DDI2: variants seen among roughly 807,000 people sequenced by gnomAD.
The protein encoded by DDI2 is protein DDI1 homolog 2.
DDI2 carries 5 observed loss-of-function variants against 48.1 expected under a neutral mutation model. The ratio of observed to expected loss-of-function variants is 0.10; its 90% CI spans 0.05 to 0.22. The LOEUF is 0.22. DDI2 is among the 10% of genes least tolerant of loss of function. The probability of loss-of-function intolerance (pLI) is 1.00; values close to 1 mark genes in which losing one functional copy is unlikely to be tolerated. For missense variants in DDI2, 285 were observed against 506.2 expected, an observed-to-expected ratio of 0.56 and a Z score of 4.19; for synonymous variants, 205 against 183.6, an observed-to-expected ratio of 1.12 and a Z score of -0.94.
intron 2 of DDI2, 119 bp from the exon 3 acceptor site, chr1:15,630,206 A>G: frequency 1.1e-6 from 1 of 879,104 alleles, no homozygotes; most frequent in Non-Finnish European, 1.8e-6. Context: ...ACAAGGTTAA[A>G]GTCTACAGTT....
At chr1:15,637,722 C>A (rs900949804) in intron 4 of DDI2, among the ~76,000 whole-genome samples, 16 of 152,120 alleles carry the variant, frequency 1.1e-4, no homozygotes, top group Non-Finnish European at 1.5e-4. Flanking sequence ...CTATGAAACA[C>A]ATGTAGTTTT....
chr1:15,626,908 C>T (rs887003669), intron 2 of DDI2, 110 bp downstream of exon 2: 3 of 1,323,400 alleles, frequency 2.3e-6, no homozygotes, highest in Non-Finnish European at 1.0e-6. Context: ...GAATACAGAT[C>T]CTGACTCTGC....
Position 15,656,650 on chromosome 1 carries a change from G to A in DDI2, c.*17G>A. 1.9e-6 allele frequency: 3 copies of A among 1,614,166 alleles called. No individual in the cohort carries two copies. Among genetic ancestry groups the A allele is most frequent in the Non-Finnish European group, 2.5e-6 (3 of 1,180,004 alleles). On this transcript the variant is annotated 3_prime_UTR_variant, in exon 9 of 10. Transcript: ENST00000480945. Reference sequence around the variant, plus strand: ...AAGCCATGATGCATGTAGTGTGTGTGTACTGCAGCTGGAGTGGGCCCCAGA... The same window carrying A: ...AAGCCATGATGCATGTAGTGTGTGTATACTGCAGCTGGAGTGGGCCCCAGA...
Position 15,617,787 on chromosome 1 carries a change from C to T in DDI2, c.117C>T (p.Gly39=). ...GCGCGCTGTGCGAGCTCGAGTCTGG[C>T]ATCCCCGCAGCCGAGAGCCAGGTAC... ...NFRALCELES[G]IPAAESQIVY... is the part of the protein sequence containing the mutation. Residue 39 remains glycine (G), a synonymous_variant, in exon 1 of 10, where the codon GGC becomes GGT. Coordinates refer to ENST00000480945, the MANE Select transcript of DDI2 (RefSeq NM_032341.5). 1 of 1,604,436 alleles carries T rather than the reference C, an allele frequency of 6.2e-7. No individual in the cohort carries two copies.
Position 15,660,943 on chromosome 1 carries a change from C to T in DDI2, c.*1153C>T, listed in dbSNP as rs1369050652. 4 of 1,613,224 alleles carry T rather than the reference C, an allele frequency of 2.5e-6. No homozygotes were observed. Among genetic ancestry groups the T allele is most frequent in the Non-Finnish European group, 3.4e-6 (4 of 1,179,702 alleles). On this transcript the variant is annotated 3_prime_UTR_variant, in exon 10 of 10. Coordinates refer to ENST00000480945, the MANE Select transcript of DDI2 (RefSeq NM_032341.5). ...GTCTATAACGGCAGCCTTGAAAGAACTTCATGAACTTTTGGTTGTTAGCAG... is the reference window on the plus strand; with the variant it reads ...GTCTATAACGGCAGCCTTGAAAGAATTTCATGAACTTTTGGTTGTTAGCAG...
rs138920370 is a variant in DDI2 at position 15,642,077 on chromosome 1, A to G, written c.761-1445A>G. On this transcript the variant is annotated intron_variant, in intron 5 of 9. Transcript: ENST00000480945. ...GAAGAGTCAAAAGTGAACAGTGCCCAGGTTTTATGGCTGCAAGAAAATAAT... is the reference window on the plus strand; with the variant it reads ...GAAGAGTCAAAAGTGAACAGTGCCCGGGTTTTATGGCTGCAAGAAAATAAT... Among the ~76,000 whole-genome samples, 551 of 152,276 alleles carry G rather than the reference A, an allele frequency of 3.6e-3. 2 individuals carry two copies. Among genetic ancestry groups the G allele is most frequent in the Non-Finnish European group, 6.0e-3 (405 of 67,998 alleles).
intron 8 of DDI2, among the ~76,000 whole-genome samples, chr1:15,656,096 C>G (rs1207435065): frequency 6.6e-6 from 1 of 152,158 alleles, no homozygotes; most frequent in Non-Finnish European, 1.5e-5. Flanking sequence ...CCTCCTGGAC[C>G]TCCCAAAGTG....
At position 15,660,743 on chromosome 1, in the gene DDI2, C is replaced by A; in HGVS notation, c.*953C>A. 1 of 1,613,716 alleles carries A rather than the reference C, an allele frequency of 6.2e-7. No individual in the cohort carries two copies. ...AATCCCTTGATGGAAGTAGAAACAT[C>A]AAAATGTAACCCTTCATCTGAAATT... On this transcript the variant is annotated 3_prime_UTR_variant, in exon 10 of 10. Transcript: ENST00000480945.
rs771644773 is a variant in DDI2 at position 15,660,222 on chromosome 1, C to A, written c.*432C>A. On this transcript the variant is annotated 3_prime_UTR_variant, in exon 10 of 10. Coordinates refer to ENST00000480945, the MANE Select transcript of DDI2 (RefSeq NM_032341.5). ...TGGAGAAATCTGCTGAAAGAAGCAC[C>A]CAGGGCCTCAAATTTCATCTCCATA... is the stretch of plus-strand genomic sequence containing the variant. 34 of 1,613,988 alleles carry A rather than the reference C, an allele frequency of 2.1e-5. No individual in the cohort carries two copies. In the Admixed American group the frequency reaches 5.3e-4, roughly 25 times the overall value.
chr1:15,617,956 G>T lies in DDI2; in HGVS notation c.138+148G>T, dbSNP rs1036354381. ...AGGTCACCCCCGCATCCGGAAAGGA[G>T]CTGGGGAGCTGGCATCAGTAGCTGC... On this transcript the variant is annotated intron_variant, in intron 1 of 9. Coordinates refer to ENST00000480945, the MANE Select transcript of DDI2 (RefSeq NM_032341.5). The T allele has an allele frequency of 6.4e-6, 8 of 1,253,532 alleles. No homozygotes were observed. The East Asian group carries it at 2.3e-4, about 36-fold the overall frequency. 77.7% of individuals were successfully genotyped at this position (1,253,532 alleles called of 1,614,324 possible).
chr1:15,629,304 C>A (rs952999361), intron 2 of DDI2, among the ~76,000 whole-genome samples: 3 of 152,076 alleles, frequency 2.0e-5, no homozygotes, highest in Non-Finnish European at 4.4e-5. Context: ...TATATAATAT[C>A]CTTTGATCCG....
Position 15,650,774 on chromosome 1 carries a change from T to A in DDI2, c.994-932T>A, listed in dbSNP as rs115601411. Among the ~76,000 whole-genome samples, 133 of 152,302 alleles carry A rather than the reference T, an allele frequency of 8.7e-4. 2 individuals are homozygous for A. The highest frequency in any genetic ancestry group is 3.1e-3 in the African/African-American group (130 of 41,560). ...AACAATTGAAAATATAGCTAATCAA[T>A]ATTTTTATGTCACTATTTTAAAATA... On this transcript the variant is annotated intron_variant, in intron 7 of 9. Transcript: ENST00000480945.
chr1:15,650,296 T>G (rs1424221673), intron 7 of DDI2, among the ~76,000 whole-genome samples: 1 of 152,218 alleles, frequency 6.6e-6, no homozygotes, highest in Non-Finnish European at 1.5e-5. Context: ...TGTTGATATT[T>G]ATCTTTCTAC....
intron 5 of DDI2, 144 bp from the exon 6 acceptor site, chr1:15,643,378 A>G: frequency 8.9e-7 from 1 of 1,127,874 alleles, no homozygotes; most frequent in Non-Finnish European, 1.2e-6. Context: ...CAGGCAGGGC[A>G]CTTGCTAGGT....
rs557605132 is a variant in DDI2, at chr1:15,638,687, A to G, written c.760+253A>G. Among the ~76,000 whole-genome samples, 256 of 151,634 alleles carry G rather than the reference A, an allele frequency of 1.7e-3. 1 individual carries two copies. The highest frequency in any genetic ancestry group is 6.0e-3 in the African/African-American group (247 of 41,376). ...GTAGCTGGGATTACAGGCGCCAACC[A>G]CCACGCCCAGCTGATTTTTACATTT... On this transcript the variant is annotated intron_variant, in intron 5 of 9. Coordinates refer to ENST00000480945, the MANE Select transcript of DDI2 (RefSeq NM_032341.5).
Position 15,651,781 on chromosome 1 carries a change from G to C in DDI2, c.1069G>C (p.Glu357Gln). Residue 357 changes from glutamate (E) to glutamine (Q), a missense_variant, in exon 8 of 10, where the codon GAG (glutamate) becomes CAG (glutamine). Physicochemically the swap from Glu to Gln is conservative, Grantham distance 29 (BLOSUM62 2). Around this residue, in one of 3 missense-constraint regions of DDI2, gnomAD observed 66 missense variants for 87.3 expected, o/e 0.76. Transcript: ENST00000480945. ...CCAGACCACCTTTCTTCCTGAGGGA[G>C]AGCTACCAGAGTGTGCCCGGTTGGC... ...GSQTTFLPEG[E>Q]LPECARLAYG... 1 of 1,614,068 alleles carries C rather than the reference G, an allele frequency of 6.2e-7. No individual in the cohort carries two copies. The highest frequency in any genetic ancestry group is 1.3e-5 in the African/African-American group (1 of 75,048).
In DDI2 at chr1:15,644,594, T is replaced by G. The variant is rs1392661663; in HGVS notation, c.889+944T>G. ...TTCTTTTCAGTTTTTTTTGTTTTTT[T>G]TTTTTTTTTTTTTTTTTGAGACGGA... On this transcript the variant is annotated intron_variant, in intron 6 of 9. Transcript: ENST00000480945. Among the ~76,000 whole-genome samples the G allele has an allele frequency of 2.6e-4, 34 of 129,260 alleles. No homozygotes were observed. The East Asian group carries it at 2.8e-3, about 11-fold the overall frequency. 84.8% of individuals were successfully genotyped at this position (129,260 alleles called of 152,430 possible).
chr1:15,661,604 G>A lies in DDI2; in HGVS notation c.*1814G>A, dbSNP rs1046502353. The A allele has an allele frequency of 3.1e-6, 5 of 1,614,100 alleles. No homozygotes were observed. Among genetic ancestry groups the A allele is most frequent in the Middle Eastern group, 1.6e-4 (1 of 6,062 alleles). ...ATTTTTCCTGCCACAGATATTGACC[G>A]CATTCTCCGTGCTGGCTTTACTTTG... On this transcript the variant is annotated 3_prime_UTR_variant, in exon 10 of 10. Coordinates refer to ENST00000480945, the MANE Select transcript of DDI2 (RefSeq NM_032341.5).
intron 7 of DDI2, among the ~76,000 whole-genome samples, chr1:15,650,574 C>G (rs1429249415): frequency 1.3e-5 from 2 of 151,974 alleles, no homozygotes; most frequent in Non-Finnish European, 2.9e-5. Context: ...TTAGTGAGAC[C>G]CTGTCTCTAC....
Sources: gnomAD v4.1 joint callset for allele counts (sites outside exome capture counted in the v4.1 genomes callset) on GRCh38, gnomAD v4.1.1 for gene constraint, gnomAD v4.1.1 regional missense constraint, MANE v1.5 for transcripts, NCBI Gene and HGNC (gene_info 2026-07-23, HGNC 2026-07-21) for gene names.